CLMN: variants seen among roughly 807,000 people sequenced by gnomAD.
The protein encoded by CLMN is calmin (calponin-like, transmembrane).
Under a neutral mutation model 92.7 loss-of-function variants are expected in CLMN, and 57 were observed. That is an observed-to-expected ratio of 0.61 (90% CI 0.50 to 0.77). CLMN has a LOEUF of 0.77. Ranked by LOEUF, CLMN falls within the 30% of genes least tolerant of loss-of-function variation. CLMN has a pLI of 0.00. For synonymous variants in CLMN, 466 were observed against 470.6 expected (o/e 0.99, Z 0.13); for missense variants, 1,158 against 1,237.5 (o/e 0.94, Z 0.96).
chr14:95,303,311 C>T (rs1179768956), intron 1 of CLMN, among the ~76,000 whole-genome samples: 1 of 152,192 alleles, frequency 6.6e-6, no homozygotes, highest in Non-Finnish European at 1.5e-5. Flanking sequence ...GGCCAAAGCA[C>T]CCTATGTGCA....
chr14:95,287,538 G>T (rs767556058), intron 1 of CLMN, among the ~76,000 whole-genome samples: 2 of 152,184 alleles, frequency 1.3e-5, no homozygotes, highest in Non-Finnish European at 2.9e-5. Context: ...TGTTAAACTT[G>T]AGCACCCATC....
At position 95,254,352 on chromosome 14, in the gene CLMN, A is replaced by T. The variant is rs1017262578; in HGVS notation, c.83-24219T>A. ...TTGGTTCCAAAGCATTTGACATAGT[A>T]GGGAAAAATTTAAGCATGACATAAA... On this transcript the variant is annotated intron_variant, in intron 1 of 12. Transcript: ENST00000298912. 1.2e-4 allele frequency among the ~76,000 whole-genome samples: 19 copies of T among 152,238 alleles called. 1 individual carries two copies. The highest frequency in any genetic ancestry group is 4.6e-4 in the African/African-American group (19 of 41,462).
At chr14:95,265,689 G>A (rs1371778781) in intron 1 of CLMN, among the ~76,000 whole-genome samples, 2 of 152,132 alleles carry the variant, frequency 1.3e-5, no homozygotes, top group East Asian at 3.8e-4. Context: ...GTCATATTCC[G>A]AGCAGCTGGC....
At chr14:95,193,824 C>T in intron 12 of CLMN, 25 bp downstream of exon 12, 2 of 1,612,226 alleles carry the variant, frequency 1.2e-6, no homozygotes, top group Non-Finnish European at 1.7e-6. Flanking sequence ...ACTACCCCCA[C>T]AAAACCTGAA....
At chr14:95,298,929 C>T (rs141769509) in intron 1 of CLMN, among the ~76,000 whole-genome samples, 396 of 152,246 alleles carry the variant, frequency 2.6e-3, no homozygotes, top group African/African-American at 9.2e-3. Context: ...ATTTTACAAG[C>T]GTCTGTGTTA....
At chr14:95,235,099 ACT>A (rs538757266) in intron 1 of CLMN, among the ~76,000 whole-genome samples, 6 of 150,398 alleles carry the variant, frequency 4.0e-5, no homozygotes, top group Admixed American at 1.3e-4. Flanking sequence ...CCCAGAGAAA[ACT>A]CTCTCTCTTT....
intron 1 of CLMN, among the ~76,000 whole-genome samples, chr14:95,230,934 A>G (rs1897865868): frequency 1.3e-5 from 2 of 152,204 alleles, no homozygotes; most frequent in African/African-American, 4.8e-5. Context: ...CCCAGGGGAG[A>G]GCATTACCCA....
In CLMN at chr14:95,259,884, C is replaced by T. The variant is rs568892115; in HGVS notation, c.83-29751G>A. The stretch of plus-strand genomic sequence containing the variant: ...GGCTATTCCCTTGCGCTTGGTGGCT[C>T]CTGAATATGCCTGCTTGCCTGGGGC... On this transcript the variant is annotated intron_variant, in intron 1 of 12. Coordinates refer to ENST00000298912, the MANE Select transcript of CLMN (RefSeq NM_024734.4). This position sits in a 1 kb window ranked among gnomAD's most constrained non-coding sequence, Gnocchi z 4.3. Among the ~76,000 whole-genome samples the T allele has an allele frequency of 6.6e-6, 1 of 152,320 alleles. No individual in the cohort carries two copies. Among genetic ancestry groups the T allele is most frequent in the Non-Finnish European group, 1.5e-5 (1 of 68,032 alleles).
At chr14:95,308,868 C>T (rs958093561) in intron 1 of CLMN, among the ~76,000 whole-genome samples, 4 of 152,098 alleles carry the variant, frequency 2.6e-5, no homozygotes, top group Admixed American at 6.5e-5. Context: ...AGCTGCATGG[C>T]CATATATTTG....
At chr14:95,222,976 A>G (rs1897596812) in intron 3 of CLMN, among the ~76,000 whole-genome samples, 1 of 152,206 alleles carries the variant, frequency 6.6e-6, no homozygotes, top group African/African-American at 2.4e-5. Context: ...TTAGTTAGGC[A>G]CAATGGGTTG....
At chr14:95,197,058 C>T (rs867151797) in intron 9 of CLMN, among the ~76,000 whole-genome samples, 33 of 152,170 alleles carry the variant, frequency 2.2e-4, no homozygotes, top group African/African-American at 5.8e-4. Flanking sequence ...TAATTATTAA[C>T]CACATCCCAC....
At chr14:95,231,766 G>C (rs1455358825) in intron 1 of CLMN, among the ~76,000 whole-genome samples, 1 of 152,174 alleles carries the variant, frequency 6.6e-6, no homozygotes, top group Admixed American at 6.5e-5. Flanking sequence ...GAAATGGAAG[G>C]CTTGAGTTTG....
intron 6 of CLMN, among the ~76,000 whole-genome samples, chr14:95,212,293 A>G (rs553117994): frequency 2.6e-5 from 4 of 152,340 alleles, no homozygotes; most frequent in Non-Finnish European, 5.9e-5. Context: ...GGGCTTGGAA[A>G]GGTAAATGAT....
At position 95,182,957 on chromosome 14, in the gene CLMN, C is replaced by G. The variant is rs568971584; in HGVS notation, c.*8607G>C. On this transcript the variant is annotated 3_prime_UTR_variant, in exon 13 of 13. Coordinates refer to ENST00000298912, the MANE Select transcript of CLMN (RefSeq NM_024734.4). ...CCAAACTCTTCCCAAAGGCACCTTT[C>G]TCAGATACTAAAGCCAAGAAGCACT... The G allele has an allele frequency of 2.0e-5, 3 of 152,248 alleles. No individual in the cohort carries two copies. Among genetic ancestry groups the G allele is most frequent in the African/African-American group, 7.2e-5 (3 of 41,462 alleles). The allele number at this position is 152,248 out of a possible 1,614,324, so 9.4% of individuals were successfully genotyped here.
intron 1 of CLMN, among the ~76,000 whole-genome samples, chr14:95,238,956 G>A (rs1898151779): frequency 1.3e-5 from 2 of 152,132 alleles, no homozygotes; most frequent in African/African-American, 4.8e-5. Context: ...TATATATATA[G>A]GGCTGGTGCC....
chr14:95,197,388 GAGAA>G (rs1865437505), intron 9 of CLMN, among the ~76,000 whole-genome samples: 1 of 147,834 alleles, frequency 6.8e-6, no homozygotes, highest in Non-Finnish European at 1.5e-5. Flanking sequence ...AAGATAGAGA[GAGAA>G]AGAAAAAAGA....
At chr14:95,313,630 A>G (rs1595125805) in intron 1 of CLMN, among the ~76,000 whole-genome samples, 1 of 149,386 alleles carries the variant, frequency 6.7e-6, no homozygotes, top group South Asian at 2.2e-4. Flanking sequence ...GCAATCTACC[A>G]CTGTTTAAAC....
chr14:95,289,257 A>G (rs1022450767), intron 1 of CLMN, among the ~76,000 whole-genome samples: 7 of 152,104 alleles, frequency 4.6e-5, no homozygotes, highest in African/African-American at 9.7e-5. Flanking sequence ...TTGAGAGGCC[A>G]ATACAGGCAG....
In CLMN at chr14:95,259,620, AGAG is replaced by A. The variant is rs1200726637; in HGVS notation, c.83-29490_83-29488del. 2.6e-5 allele frequency among the ~76,000 whole-genome samples: 4 copies of A among 152,092 alleles called. No individual in the cohort carries two copies. The highest frequency in any genetic ancestry group is 5.9e-5 in the Non-Finnish European group (4 of 68,000). On this transcript the variant is annotated intron_variant, in intron 1 of 12. Transcript: ENST00000298912. This position sits in a 1 kb window ranked among gnomAD's most constrained non-coding sequence, Gnocchi z 4.3. ...TTTTTGTGCCTGGTTGGGGGCTAGG[AGAG>A]GAGATCACTTGCACAGGGCCCACCC...
Sources: allele counts gnomAD v4.1 joint callset (sites outside exome capture counted in the v4.1 genomes callset), GRCh38; gene constraint gnomAD v4.1.1; non-coding constraint Gnocchi (gnomAD v3.1); transcripts MANE v1.5; gene names NCBI Gene and HGNC (gene_info 2026-07-23, HGNC 2026-07-21).